The following SUPV3L1 variants were observed in gnomAD, a reference collection of about 807,000 sequenced individuals.
SUPV3L1 encodes the protein Suv3 like RNA helicase, also known as ATP-dependent RNA helicase SUPV3L1, mitochondrial.
A neutral mutation model predicts 70.0 loss-of-function variants in SUPV3L1; 35 were observed. That is an observed-to-expected ratio of 0.50 (90% CI 0.38 to 0.66). The LOEUF (loss-of-function observed/expected upper bound fraction) is 0.66. Among genes scored for constraint, SUPV3L1 ranks in the 30% least tolerant of loss-of-function variants. The pLI, the probability that SUPV3L1 is intolerant of heterozygous loss-of-function variation, is 0.00. For synonymous variants in SUPV3L1, 364 were observed against 341.9 expected, an observed-to-expected ratio of 1.06 and a Z score of -0.71; for missense variants, 777 against 961.5, an observed-to-expected ratio of 0.81 and a Z score of 2.54.
intron 5 of SUPV3L1, among the ~76,000 whole-genome samples, chr10:69,191,109 G>A (rs1842380165): frequency 6.6e-6 from 1 of 152,236 alleles, no homozygotes; most frequent in African/African-American, 2.4e-5. Context: ...CTGCTGCAGT[G>A]TCTCATGCTT....
At position 69,197,062 on chromosome 10, in the gene SUPV3L1, C is replaced by T. The variant is rs1028081574; in HGVS notation, c.1002C>T (p.Tyr334=). ...AAIDLVMELM[Y]TTGEEVEVRD... ...TTGACCTGGTGATGGAGCTTATGTA[C>T]ACAACGGGGGAGGAAGTGGAGGTAT... The change falls in exon 8 of 15, where the codon TAC becomes TAT. Residue 334 remains tyrosine (Y), a synonymous_variant. Transcript: ENST00000359655. The T allele has an allele frequency of 5.0e-6, 8 of 1,613,896 alleles. No homozygotes were observed. The Middle Eastern group carries it at 9.9e-4, about 199-fold the overall frequency.
intron 13 of SUPV3L1, among the ~76,000 whole-genome samples, chr10:69,205,408 T>C (rs1842798166): frequency 6.6e-6 from 1 of 152,202 alleles, no homozygotes; most frequent in African/African-American, 2.4e-5. Flanking sequence ...AAGGTCTCAC[T>C]ATGTTGCCCA....
intron 2 of SUPV3L1, 51 bp from the exon 3 acceptor site, chr10:69,186,392 T>G: frequency 7.2e-7 from 1 of 1,385,088 alleles, no homozygotes; most frequent in Non-Finnish European, 1.0e-6. Flanking sequence ...GTCTGTGTGC[T>G]TTTTAAAATG....
chr10:69,183,574 G>A (rs977120071), intron 1 of SUPV3L1, among the ~76,000 whole-genome samples: 7 of 152,112 alleles, frequency 4.6e-5, no homozygotes, highest in Non-Finnish European at 1.0e-4. Context: ...AGCTACTTGG[G>A]AGGCTGAGGT....
At chr10:69,195,686 A>G (rs1842523595) in intron 7 of SUPV3L1, among the ~76,000 whole-genome samples, 1 of 152,226 alleles carries the variant, frequency 6.6e-6, no homozygotes. Context: ...TTTGCTCCAT[A>G]GAGTTGAACC....
In SUPV3L1 at chr10:69,189,188, G is replaced by A. The variant is rs544331414; in HGVS notation, c.573-79G>A. 497 of 1,442,160 alleles carry A rather than the reference G, an allele frequency of 3.4e-4. 1 individual carries two copies. Among genetic ancestry groups the A allele is most frequent in the Non-Finnish European group, 4.4e-4 (474 of 1,069,366 alleles). 89.3% of individuals were successfully genotyped at this position (1,442,160 alleles called of 1,614,324 possible). On this transcript the variant is annotated intron_variant, in intron 4 of 14. Coordinates refer to ENST00000359655, the MANE Select transcript of SUPV3L1 (RefSeq NM_003171.5). Reference sequence around the variant, plus strand: ...GAACATTAAGAGGATATTTCATTTGGAATTTGTTTCATTTGCTGTCTTTGC... The same window carrying A: ...GAACATTAAGAGGATATTTCATTTGAAATTTGTTTCATTTGCTGTCTTTGC...
chr10:69,205,412 T>G (rs948259634), intron 13 of SUPV3L1, among the ~76,000 whole-genome samples: 2 of 152,238 alleles, frequency 1.3e-5, no homozygotes, highest in Non-Finnish European at 2.9e-5. Context: ...TCTCACTATG[T>G]TGCCCAGGCT....
At chr10:69,199,856 TA>T (rs1842638390) in intron 10 of SUPV3L1, among the ~76,000 whole-genome samples, 1 of 152,140 alleles carries the variant, frequency 6.6e-6, no homozygotes, top group Admixed American at 6.6e-5. Context: ...TGTATTTATT[TA>T]TTTCTGAGAC....
chr10:69,205,996 T>A (rs1169647132), intron 13 of SUPV3L1, among the ~76,000 whole-genome samples: 1 of 146,578 alleles, frequency 6.8e-6, no homozygotes, highest in Non-Finnish European at 1.5e-5. Flanking sequence ...ATGGAGCTCC[T>A]TTAGGGCCAG....
Position 69,202,514 on chromosome 10 carries a change from C to T in SUPV3L1, c.1594C>T (p.Leu532Phe). 6.2e-7 allele frequency: 1 copy of T among 1,611,812 alleles called. No homozygotes were observed. The highest frequency in any genetic ancestry group is 8.5e-7 in the Non-Finnish European group (1 of 1,178,452). Reference sequence around the variant, plus strand: ...TCTCCCTGATGCAACACTGTCCAATCTCATTGTAAGTGGAAACTCCCTTTC... The same window carrying T: ...TCTCCCTGATGCAACACTGTCCAATTTCATTGTAAGTGGAAACTCCCTTTC... ...YHLPDATLSN[L>F]IDIFVDFSQV... The change falls in exon 12 of 15, where the codon CTC (leucine) becomes TTC (phenylalanine). Residue 532 changes from leucine to phenylalanine, a missense_variant. Leu to Phe is a conservative substitution (Grantham distance 22, BLOSUM62 0). Transcript: ENST00000359655.
chr10:69,186,093 A>AT, intron 2 of SUPV3L1, 29 bp downstream of exon 2: 1 of 1,586,602 alleles, frequency 6.3e-7, no homozygotes, highest in Non-Finnish European at 8.6e-7. Context: ...TCATAGAGGT[A>AT]TTTTATTACC....
intron 6 of SUPV3L1, 111 bp downstream of exon 6, chr10:69,191,877 G>C: frequency 2.8e-6 from 2 of 704,870 alleles, no homozygotes; most frequent in Non-Finnish European, 4.5e-6. Flanking sequence ...TACTATCTCG[G>C]CTCACTGCGA....
intron 11 of SUPV3L1, among the ~76,000 whole-genome samples, chr10:69,200,773 C>T (rs10823315): frequency 0.057 from 8,723 of 152,122 alleles, 293 homozygotes; most frequent in South Asian, 0.13. Flanking sequence ...AATCTAGCAG[C>T]GGGAAGGAAC....
intron 1 of SUPV3L1, among the ~76,000 whole-genome samples, chr10:69,184,556 GT>G (rs1842162450): frequency 6.6e-6 from 1 of 150,944 alleles, no homozygotes; most frequent in African/African-American, 2.4e-5. Context: ...AGAAACTGTT[GT>G]TCCTACCCGG....
At chr10:69,194,849 A>G (rs960168237) in intron 6 of SUPV3L1, among the ~76,000 whole-genome samples, 11 of 148,960 alleles carry the variant, frequency 7.4e-5, no homozygotes, top group Middle Eastern at 6.8e-3. Context: ...AAAAAGAAAA[A>G]AAAAAGAGTA....
intron 1 of SUPV3L1, 94 bp downstream of exon 1, chr10:69,180,656 G>A (rs747197273): frequency 6.1e-5 from 92 of 1,501,906 alleles, no homozygotes; most frequent in Middle Eastern, 3.7e-4. Context: ...CTGGGGATCC[G>A]AGGTCCCATC....
At chr10:69,195,810 G>T (rs1012879423) in intron 7 of SUPV3L1, among the ~76,000 whole-genome samples, 1 of 152,016 alleles carries the variant, frequency 6.6e-6, no homozygotes, top group African/African-American at 2.4e-5. Context: ...TGGCGCAGTT[G>T]TGGCTCACTG....
intron 6 of SUPV3L1, among the ~76,000 whole-genome samples, chr10:69,193,707 A>T (rs117529116): frequency 6.6e-6 from 1 of 152,318 alleles, no homozygotes; most frequent in Non-Finnish European, 1.5e-5. Context: ...CACCATGTCC[A>T]GCCTCAATAA....
rs1421207105 is a variant in SUPV3L1, at chr10:69,207,941, G to A, written c.1925G>A (p.Ser642Asn). The A allele has an allele frequency of 2.5e-6, 4 of 1,612,710 alleles. No individual in the cohort carries two copies. In the Admixed American group the frequency reaches 5.0e-5, roughly 20 times the overall value. Residue 642 changes from serine (S) to asparagine (N), a missense_variant and splice_region_variant, in exon 14 of 15, where the codon AGC becomes AAC. Ser to Asn is a conservative substitution (Grantham distance 46). Around this residue, in one of 2 missense-constraint regions of SUPV3L1, gnomAD observed 619 missense variants for 823.3 expected, o/e 0.75. Coordinates refer to ENST00000359655, the MANE Select transcript of SUPV3L1 (RefSeq NM_003171.5). ...HDVLDLYLWLSYRFMDMFPDA... is the reference protein window; with the variant it reads ...HDVLDLYLWLNYRFMDMFPDA... The stretch of plus-strand genomic sequence containing the variant: ...GTCTTGGATCTTTACTTGTGGCTAA[G>A]GTACCAACATTTTTCCTTTATGTGC...
Sources: allele counts gnomAD v4.1 joint callset (sites outside exome capture counted in the v4.1 genomes callset), GRCh38; gene constraint gnomAD v4.1.1; regional missense constraint gnomAD v4.1.1; transcripts MANE v1.5; gene names NCBI Gene and HGNC (gene_info 2026-07-23, HGNC 2026-07-21).